The following RAPGEF4 variants were observed in gnomAD, a reference collection of about 807,000 sequenced individuals.
RAPGEF4 encodes Rap guanine nucleotide exchange factor 4.
A neutral mutation model predicts 147.9 loss-of-function variants in RAPGEF4; 66 were observed. That is an observed-to-expected ratio of 0.45 (90% CI 0.37 to 0.55). The LOEUF (loss-of-function observed/expected upper bound fraction) is 0.55, where lower values mean the gene tolerates loss of function less well. Among genes scored for constraint, RAPGEF4 ranks in the 20% least tolerant of loss-of-function variants. The pLI, the probability that RAPGEF4 is intolerant of heterozygous loss-of-function variation, is 0.00. For missense variants in RAPGEF4, 1,071 were observed against 1,257.3 expected (o/e 0.85, Z 2.24); for synonymous variants, 419 against 442.7 (o/e 0.95, Z 0.67).
chr2:173,021,740 T>G (rs1696120412), intron 23 of RAPGEF4, among the ~76,000 whole-genome samples: 1 of 152,198 alleles, frequency 6.6e-6, no homozygotes, highest in Non-Finnish European at 1.5e-5. Context: ...TTCCTTGGAC[T>G]TTTTAGAGGT....
At chr2:172,868,425 C>T (rs189960597) in intron 4 of RAPGEF4, among the ~76,000 whole-genome samples, 25 of 152,256 alleles carry the variant, frequency 1.6e-4, no homozygotes, top group Admixed American at 1.4e-3. Flanking sequence ...TTATATAGCA[C>T]AGACTGTCTC....
chr2:172,900,627 G>C (rs1455567008), intron 4 of RAPGEF4, among the ~76,000 whole-genome samples: 2 of 152,094 alleles, frequency 1.3e-5, no homozygotes, highest in African/African-American at 4.8e-5. Context: ...CCCAAATTCT[G>C]CCAATTGTTT....
At chr2:173,026,124 G>C (rs1214652415) in intron 23 of RAPGEF4, among the ~76,000 whole-genome samples, 1 of 152,160 alleles carries the variant, frequency 6.6e-6, no homozygotes, top group African/African-American at 2.4e-5. Flanking sequence ...GTGTTACCAT[G>C]GCCACCGGCA....
intron 12 of RAPGEF4, among the ~76,000 whole-genome samples, chr2:172,987,385 A>G (rs1692374205): frequency 6.6e-6 from 1 of 152,108 alleles, no homozygotes; most frequent in Non-Finnish European, 1.5e-5. Flanking sequence ...CATCTTTCCT[A>G]CCCCAAGGTA....
chr2:172,995,846 A>T (rs868423262), intron 15 of RAPGEF4, among the ~76,000 whole-genome samples: 4 of 152,318 alleles, frequency 2.6e-5, no homozygotes, highest in Non-Finnish European at 5.9e-5. Context: ...CATTGAAATA[A>T]ATTATAAGGA....
chr2:172,967,686 T>G (rs1426427830), intron 10 of RAPGEF4, among the ~76,000 whole-genome samples: 1 of 152,212 alleles, frequency 6.6e-6, no homozygotes, highest in Non-Finnish European at 1.5e-5. Flanking sequence ...AGTAGTTGGC[T>G]CCGGCTGTCA....
intron 17 of RAPGEF4, among the ~76,000 whole-genome samples, chr2:173,004,739 A>G (rs1225222580): frequency 6.6e-6 from 1 of 152,038 alleles, no homozygotes; most frequent in Middle Eastern, 3.2e-3. Context: ...CTGGCATCTC[A>G]CCACCATTAA....
chr2:172,783,919 G>T (rs1007952126), intron 1 of RAPGEF4, among the ~76,000 whole-genome samples: 1 of 152,078 alleles, frequency 6.6e-6, no homozygotes, highest in Non-Finnish European at 1.5e-5. Flanking sequence ...TGTTGGTGCT[G>T]TAGTCATAAA....
At chr2:172,741,026 G>A (rs147735930) in intron 1 of RAPGEF4, among the ~76,000 whole-genome samples, 29 of 152,306 alleles carry the variant, frequency 1.9e-4, no homozygotes, top group African/African-American at 6.5e-4. Flanking sequence ...AAGCCAAGCT[G>A]CCAGGAGGTC....
chr2:172,746,394 T>C (rs548047892), intron 1 of RAPGEF4, among the ~76,000 whole-genome samples: 19 of 152,250 alleles, frequency 1.2e-4, no homozygotes, highest in African/African-American at 4.3e-4. Flanking sequence ...CTCTAACAAA[T>C]AGACAAATGG....
intron 1 of RAPGEF4, among the ~76,000 whole-genome samples, chr2:172,771,290 G>A (rs1399857552): frequency 3.3e-5 from 5 of 151,902 alleles, no homozygotes; most frequent in East Asian, 1.9e-4. Context: ...TTATAAGAAC[G>A]GTAGTCCCAC....
rs1559150771 is a variant in RAPGEF4, at chr2:172,967,256, C to T, written c.821-5C>T. On this transcript the variant is annotated splice_region_variant and splice_polypyrimidine_tract_variant and intron_variant, in intron 9 of 30. Coordinates refer to ENST00000397081, the MANE Select transcript of RAPGEF4 (RefSeq NM_007023.4). Reference sequence around the variant, plus strand: ...AGCTGACACGTGCTTCCATGTTTCCCATAGTGGACCAGGAGCACCATTTCC... The same window carrying T: ...AGCTGACACGTGCTTCCATGTTTCCTATAGTGGACCAGGAGCACCATTTCC... 1 of 1,610,218 alleles carries T rather than the reference C, an allele frequency of 6.2e-7. No individual in the cohort carries two copies. The highest frequency in any genetic ancestry group is 1.1e-5 in the South Asian group (1 of 90,258).
chr2:172,854,339 G>T (rs1252991111), intron 4 of RAPGEF4, among the ~76,000 whole-genome samples: 6 of 151,358 alleles, frequency 4.0e-5, no homozygotes, highest in African/African-American at 1.2e-4. Flanking sequence ...CATCTCTTTT[G>T]TCTGGTGATA....
At chr2:172,826,160 A>G (rs1167217763) in intron 4 of RAPGEF4, among the ~76,000 whole-genome samples, 1 of 152,160 alleles carries the variant, frequency 6.6e-6, no homozygotes, top group East Asian at 1.9e-4. Context: ...TTTTGCCTCC[A>G]TGCCATGCCC....
rs549074090 is a variant in RAPGEF4, at chr2:172,871,033, T to G, written c.445-46769T>G. On this transcript the variant is annotated intron_variant, in intron 4 of 30. Transcript: ENST00000397081. The stretch of plus-strand genomic sequence containing the variant: ...CTGCCTTAAGTCTCAGATAGTCTGT[T>G]TAAATGTGGCTTTTCCAGTGGTCCA... 4.6e-5 allele frequency among the ~76,000 whole-genome samples: 7 copies of G among 152,298 alleles called. No homozygotes were observed. The East Asian group carries it at 1.3e-3, about 29-fold the overall frequency.
rs959709726 is a variant in RAPGEF4 at position 173,043,377 on chromosome 2, C to T, written c.2854-5223C>T. On this transcript the variant is annotated intron_variant, in intron 29 of 30. Transcript: ENST00000397081. The stretch of plus-strand genomic sequence containing the variant: ...GGGCAGGCATTTAGAAGAGGCCTGA[C>T]GGTGAGGAGCCGCTTCCTGAGGGAT... 3.9e-5 allele frequency among the ~76,000 whole-genome samples: 6 copies of T among 152,234 alleles called. No individual in the cohort carries two copies. The East Asian group carries it at 5.8e-4, about 15-fold the overall frequency.
At chr2:172,977,310 G>A (rs1407618984) in intron 10 of RAPGEF4, among the ~76,000 whole-genome samples, 1 of 152,104 alleles carries the variant, frequency 6.6e-6, no homozygotes, top group Non-Finnish European at 1.5e-5. Flanking sequence ...CCCCCGTAAA[G>A]ACCAAAGCAG....
intron 4 of RAPGEF4, among the ~76,000 whole-genome samples, chr2:172,896,037 C>T (rs1037856987): frequency 2.6e-5 from 4 of 152,194 alleles, no homozygotes; most frequent in Non-Finnish European, 4.4e-5. Context: ...ATCATAAAGA[C>T]GTTGTCTGAG....
At chr2:172,885,027 A>G (rs957651082) in intron 4 of RAPGEF4, among the ~76,000 whole-genome samples, 2 of 152,166 alleles carry the variant, frequency 1.3e-5, no homozygotes, top group Non-Finnish European at 2.9e-5. Flanking sequence ...AAGGCCTCCC[A>G]TTTCAAGTAT....
Sources: allele counts gnomAD v4.1 joint callset (sites outside exome capture counted in the v4.1 genomes callset), GRCh38; gene constraint gnomAD v4.1.1; transcripts MANE v1.5; gene names NCBI Gene and HGNC (gene_info 2026-07-23, HGNC 2026-07-21).